ZNF79: variants seen among roughly 807,000 people sequenced by gnomAD.
The protein encoded by ZNF79 is ZNFpT7.
In ZNF79, 13 loss-of-function variants were observed where a neutral mutation model predicts 14.9. The ratio of observed to expected loss-of-function variants is 0.87; its 90% CI spans 0.57 to 1.38. ZNF79 has a LOEUF of 1.38. Among genes scored for constraint, ZNF79 ranks in the 40% most tolerant of loss-of-function variants. The pLI, the probability that ZNF79 is intolerant of heterozygous loss-of-function variation, is 0.00. For missense variants in ZNF79, 631 were observed against 630.6 expected, an observed-to-expected ratio of 1.00 and a Z score of -0.01; for synonymous variants, 223 against 235.1, an observed-to-expected ratio of 0.95 and a Z score of 0.47.
Position 127,428,965 on chromosome 9 carries a change from T to C in ZNF79, c.105+45T>C, listed in dbSNP as rs186698438. ...TGGAAGGCATCCTTTTCTTCCCCCC[T>C]AATACTAATGGTAGGGTTGCCTTGT... On this transcript the variant is annotated intron_variant, in intron 2 of 4. Transcript: ENST00000342483. 13 of 1,317,278 alleles carry C rather than the reference T, an allele frequency of 9.9e-6. No individual in the cohort carries two copies. The African/African-American group carries it at 1.5e-4, about 15-fold the overall frequency. The allele number at this position is 1,317,278 out of a possible 1,614,324, so 81.6% of individuals were successfully genotyped here.
chr9:127,424,712 C>CG lies in ZNF79; in HGVS notation c.-72dup. 6.2e-7 allele frequency: 1 copy of CG among 1,607,274 alleles called. No individual in the cohort carries two copies. Among genetic ancestry groups the CG allele is most frequent in the Non-Finnish European group, 8.5e-7 (1 of 1,176,314 alleles). Reference sequence around the variant, plus strand: ...GAGCCGTCAGAGCAGCCCTGCAGAACGGGGTGGGGGCTGCTGTAGATAGAC... The same window carrying CG: ...GAGCCGTCAGAGCAGCCCTGCAGAACGGGGGTGGGGGCTGCTGTAGATAGAC... On this transcript the variant is annotated 5_prime_UTR_variant, in exon 1 of 5. Transcript: ENST00000342483.
At chr9:127,441,944 CAAAA>C (rs35456595) in intron 4 of ZNF79, among the ~76,000 whole-genome samples, 1 of 107,780 alleles carries the variant, frequency 9.3e-6, no homozygotes. Context: ...GACTCCGTCT[CAAAA>C]AAAAAAAAAA....
At chr9:127,434,518 G>A (rs1004996567) in intron 2 of ZNF79, among the ~76,000 whole-genome samples, 9 of 151,986 alleles carry the variant, frequency 5.9e-5, no homozygotes, top group Non-Finnish European at 8.8e-5. Context: ...TACTTCACAC[G>A]CATACACACG....
In ZNF79 at chr9:127,444,497, A is replaced by G; in HGVS notation, c.797A>G (p.Lys266Arg). Reference protein sequence around the residue: ...RAFSQNANLTKHQRTHTGEKP... With the variant: ...RAFSQNANLTRHQRTHTGEKP... ...TTCAGCCAGAACGCCAACCTCACCAAACACCAGCGAACCCACACCGGAGAG... is the reference window on the plus strand; with the variant it reads ...TTCAGCCAGAACGCCAACCTCACCAGACACCAGCGAACCCACACCGGAGAG... Residue 266 changes from lysine (K) to arginine (R), a missense_variant, in exon 5 of 5, where the codon AAA becomes AGA. Physicochemically the swap from Lys to Arg is conservative, Grantham distance 26. Transcript: ENST00000342483. The G allele has an allele frequency of 1.2e-6, 2 of 1,611,004 alleles. No individual in the cohort carries two copies.
In ZNF79 at chr9:127,424,630, C is replaced by A; in HGVS notation, c.-158C>A. The A allele has an allele frequency of 8.6e-7, 1 of 1,156,718 alleles. No homozygotes were observed. The highest frequency in any genetic ancestry group is 1.2e-6 in the Non-Finnish European group (1 of 805,290). 71.7% of individuals were successfully genotyped at this position (1,156,718 alleles called of 1,614,324 possible). ...CCGGACAGCTCCCGCGACCCAGCAC[C>A]GCAGGATCAGACCGTGCCTCTGCGG... On this transcript the variant is annotated 5_prime_UTR_variant, in exon 1 of 5. Transcript: ENST00000342483.
rs201043969 is a variant in ZNF79 at position 127,444,505 on chromosome 9, C to T, written c.805C>T (p.Arg269Ter). 1.8e-5 allele frequency: 29 copies of T among 1,610,406 alleles called. No homozygotes were observed. Among genetic ancestry groups the T allele is most frequent in the East Asian group, 1.3e-4 (6 of 44,820 alleles). ...GAACGCCAACCTCACCAAACACCAG[C>T]GAACCCACACCGGAGAGAAGCCCTA... is the stretch of plus-strand genomic sequence containing the variant. Reference protein sequence around the residue: ...SQNANLTKHQRTHTGEKPYRC... With the variant: ...SQNANLTKHQ Residue 269 changes from arginine to a stop codon, truncating the protein, a stop_gained, in exon 5 of 5, where the codon CGA becomes TGA. Transcript: ENST00000342483. LOFTEE classifies it low-confidence loss of function (END_TRUNC).
In ZNF79 at chr9:127,445,336, ACAC is replaced by A. The variant is rs1834152571; in HGVS notation, c.*141_*143del. Reference sequence around the variant, plus strand: ...TCTGCAGCCCAGAGCCACATGCAAAACACCTTCAATAAACAGCCACTATTTCAC... The same window carrying A: ...TCTGCAGCCCAGAGCCACATGCAAAACTTCAATAAACAGCCACTATTTCAC... On this transcript the variant is annotated 3_prime_UTR_variant, in exon 5 of 5. Coordinates refer to ENST00000342483, the MANE Select transcript of ZNF79 (RefSeq NM_007135.3). The A allele has an allele frequency of 1.2e-6, 1 of 816,928 alleles. No individual in the cohort carries two copies. The highest frequency in any genetic ancestry group is 2.8e-5 in the Admixed American group (1 of 35,516). 50.6% of individuals were successfully genotyped at this position (816,928 alleles called of 1,614,324 possible). A position where few individuals can be genotyped will look rare whatever the true frequency, so the allele number is the denominator to read the frequency against.
rs1406000535 is a variant in ZNF79, at chr9:127,424,479, C to G, written c.-309C>G. ...TCTCGCGGTTGCCGGTAGATTGTTG[C>G]CAGTTGCCAGTTGCCAGTCGTTTTT... On this transcript the variant is annotated 5_prime_UTR_variant, in exon 1 of 5. Transcript: ENST00000342483. 1 of 371,400 alleles carries G rather than the reference C, an allele frequency of 2.7e-6. No individual in the cohort carries two copies. Among genetic ancestry groups the G allele is most frequent in the Admixed American group, 3.9e-5 (1 of 25,606 alleles). The allele number at this position is 371,400 out of a possible 1,614,324, so 23.0% of individuals were successfully genotyped here. A position where few individuals can be genotyped will look rare whatever the true frequency, so the allele number is the denominator to read the frequency against.
intron 2 of ZNF79, 113 bp from the exon 3 acceptor site, chr9:127,434,977 A>G: frequency 3.1e-6 from 4 of 1,305,476 alleles, no homozygotes; most frequent in Non-Finnish European, 4.2e-6. Flanking sequence ...CTACCCAGAG[A>G]CCTGAATCTT....
intron 1 of ZNF79, chr9:127,425,013 G>A: frequency 7.2e-7 from 1 of 1,387,246 alleles, no homozygotes; most frequent in Non-Finnish European, 9.5e-7. Flanking sequence ...AAGAATTCGG[G>A]GGTCAAAAAA....
intron 4 of ZNF79, among the ~76,000 whole-genome samples, chr9:127,439,106 T>G (rs1266214373): frequency 4.7e-5 from 2 of 42,812 alleles, no homozygotes; most frequent in African/African-American, 9.5e-5. Context: ...AGCGAGACTC[T>G]GTCACAAAAA....
chr9:127,427,559 T>TTTTTTGG (rs1833782088), intron 1 of ZNF79, among the ~76,000 whole-genome samples: 1 of 151,020 alleles, frequency 6.6e-6, no homozygotes, highest in Non-Finnish European at 1.5e-5. Flanking sequence ...TTTTTTTTTT[T>TTTTTTGG]GAGGCAGAGT....
In ZNF79 at chr9:127,444,212, A is replaced by G. The variant is rs766951292; in HGVS notation, c.512A>G (p.Lys171Arg). The G allele has an allele frequency of 1.1e-5, 17 of 1,614,014 alleles. No individual in the cohort carries two copies. Among genetic ancestry groups the G allele is most frequent in the Middle Eastern group, 1.6e-4 (1 of 6,084 alleles). The change falls in exon 5 of 5, where the codon AAA becomes AGA. Residue 171 changes from lysine (K) to arginine (R), a missense_variant. By Grantham distance (26) the Lys-to-Arg change is conservative. Coordinates refer to ENST00000342483, the MANE Select transcript of ZNF79 (RefSeq NM_007135.3). ...GTGCCCGTGGAAGCGAGACCTCGCA[A>G]ATGTGAGACACACACCGAGAGCTTC... ...QRVPVEARPR[K>R]CETHTESFKN...
At chr9:127,426,411 GTTGCCCAGGCTGGAGTGCGA>G (rs1449806624) in intron 1 of ZNF79, among the ~76,000 whole-genome samples, 20 of 128,776 alleles carry the variant, frequency 1.6e-4, no homozygotes, top group Non-Finnish European at 2.9e-4. Flanking sequence ...TTTTGCTCTT[GTTGCCCAGGCTGGAGTGCGA>G]TGGTGCGATC....
intron 1 of ZNF79, 28 bp downstream of exon 1, chr9:127,424,831 CA>C (rs779463181): frequency 4.3e-5 from 70 of 1,613,492 alleles, no homozygotes; most frequent in Non-Finnish European, 5.4e-5. Context: ...GAGCGATTGT[CA>C]AGAGATCGGC....
In ZNF79 at chr9:127,444,835, C is replaced by A; in HGVS notation, c.1135C>A (p.His379Asn). 6.2e-7 allele frequency: 1 copy of A among 1,613,888 alleles called. No individual in the cohort carries two copies. The change falls in exon 5 of 5, where the codon CAT becomes AAT. Residue 379 changes from histidine (H) to asparagine (N), a missense_variant. Transcript: ENST00000342483. The stretch of plus-strand genomic sequence containing the variant: ...CAGCCAGAGTGCAAACCTCACAAAC[C>A]ATCAGAGGACTCACACTGGGGAGAA... Reference protein sequence around the residue: ...AFSQSANLTNHQRTHTGEKPY... With the variant: ...AFSQSANLTNNQRTHTGEKPY...
chr9:127,436,794 C>T (rs1293979970), intron 4 of ZNF79, among the ~76,000 whole-genome samples: 5 of 152,312 alleles, frequency 3.3e-5, no homozygotes, highest in Non-Finnish European at 7.3e-5. Flanking sequence ...CAGTGGCTCA[C>T]GCCTGTAATC....
chr9:127,431,565 C>A (rs1023884381), intron 2 of ZNF79, among the ~76,000 whole-genome samples: 1 of 152,084 alleles, frequency 6.6e-6, no homozygotes, highest in African/African-American at 2.4e-5. Flanking sequence ...GTTTCTTTTG[C>A]TGTATAGAAG....
At chr9:127,437,824 G>C (rs1409099992) in intron 4 of ZNF79, among the ~76,000 whole-genome samples, 1 of 151,996 alleles carries the variant, frequency 6.6e-6, no homozygotes, top group Non-Finnish European at 1.5e-5. Flanking sequence ...CCCCAATCCA[G>C]TGTGGCCTCA....
Sources: gnomAD v4.1 joint callset for allele counts (sites outside exome capture counted in the v4.1 genomes callset) on GRCh38, gnomAD v4.1.1 for gene constraint, MANE v1.5 for transcripts, NCBI Gene and HGNC (gene_info 2026-07-23, HGNC 2026-07-21) for gene names.